Variants in MROH9 observed in about 807,000 individuals in gnomAD.
MROH9 encodes maestro heat like repeat family member 9.
A neutral mutation model predicts 98.2 loss-of-function variants in MROH9; 92 were observed. That is an observed-to-expected ratio of 0.94 (90% CI 0.79 to 1.11). The LOEUF is 1.11. MROH9 is among the 50% of genes most tolerant of loss of function. The pLI, the probability that MROH9 is intolerant of heterozygous loss-of-function variation, is 0.00. For synonymous variants in MROH9, 397 were observed against 368.9 expected (o/e 1.08, Z -0.87); for missense variants, 1,057 against 1,014.8 (o/e 1.04, Z -0.57).
At chr1:171,044,929 G>A (rs1653414582) in intron 20 of MROH9, among the ~76,000 whole-genome samples, 1 of 90,288 alleles carries the variant, frequency 1.1e-5, no homozygotes, top group Non-Finnish European at 2.4e-5. Context: ...CTTATCATTT[G>A]TATTGTTGTT....
chr1:171,029,526 C>T (rs980399410), intron 20 of MROH9, among the ~76,000 whole-genome samples: 1 of 152,070 alleles, frequency 6.6e-6, no homozygotes, highest in African/African-American at 2.4e-5. Context: ...TTATCAAACG[C>T]CTTTTCTGCA....
intron 15 of MROH9, among the ~76,000 whole-genome samples, chr1:171,009,729 C>G (rs1652084289): frequency 6.6e-6 from 1 of 152,100 alleles, no homozygotes; most frequent in African/African-American, 2.4e-5. Context: ...TTTCTAAGTG[C>G]TATTACTTAC....
chr1:170,978,413 G>A (rs1340383364), intron 8 of MROH9, among the ~76,000 whole-genome samples: 4 of 152,174 alleles, frequency 2.6e-5, no homozygotes, highest in African/African-American at 9.6e-5. Flanking sequence ...CCACTTACCA[G>A]TGGATATGCT....
intron 17 of MROH9, among the ~76,000 whole-genome samples, chr1:171,020,609 T>C (rs1652484637): frequency 1.3e-5 from 2 of 152,206 alleles, no homozygotes; most frequent in South Asian, 4.1e-4. Context: ...TGTTGGAACA[T>C]ATTTCAAAAT....
chr1:170,945,612 G>A (rs1424443344), intron 2 of MROH9, 31 bp downstream of exon 2: 1 of 1,603,076 alleles, frequency 6.2e-7, no homozygotes, highest in Non-Finnish European at 8.5e-7. Flanking sequence ...AGAGATGGGA[G>A]AAGGTATTTT....
chr1:170,945,687 T>A, intron 2 of MROH9, 106 bp downstream of exon 2: 5 of 976,162 alleles, frequency 5.1e-6, no homozygotes, highest in Non-Finnish European at 4.4e-6. Flanking sequence ...TCTGTAACCA[T>A]GATAACAAAG....
intron 21 of MROH9, 87 bp downstream of exon 21, chr1:171,062,281 A>G (rs1165784490): frequency 5.4e-6 from 5 of 933,200 alleles, no homozygotes; most frequent in Non-Finnish European, 8.3e-6. Flanking sequence ...GAGTTCTGTT[A>G]GAGTGCCAGG....
chr1:171,017,278 C>G (rs111586632), intron 17 of MROH9, among the ~76,000 whole-genome samples: 3,224 of 152,316 alleles, frequency 0.021, 138 homozygotes, highest in African/African-American at 0.074. Flanking sequence ...GACTAGGCAG[C>G]GGGCATGACC....
intron 20 of MROH9, among the ~76,000 whole-genome samples, chr1:171,030,398 C>T (rs1009714827): frequency 2.0e-5 from 3 of 151,058 alleles, no homozygotes; most frequent in African/African-American, 7.3e-5. Flanking sequence ...AATTTGAGAT[C>T]TTCCAAGCTT....
chr1:171,040,917 T>C (rs1027954046), intron 20 of MROH9, among the ~76,000 whole-genome samples: 1 of 152,126 alleles, frequency 6.6e-6, no homozygotes, highest in Non-Finnish European at 1.5e-5. Flanking sequence ...GAAAATTACA[T>C]GTTTATCCAC....
At chr1:170,983,244 A>G (rs1311712924) in intron 8 of MROH9, among the ~76,000 whole-genome samples, 178 bp from the exon 9 acceptor site, 1 of 152,236 alleles carries the variant, frequency 6.6e-6, no homozygotes, top group Non-Finnish European at 1.5e-5. Flanking sequence ...TAAACACTTT[A>G]TGAATTCTGT....
Position 170,998,240 on chromosome 1 carries a change from A to C in MROH9, c.1562A>C (p.Glu521Ala). The change falls in exon 15 of 22, where the codon GAA (glutamate) becomes GCA (alanine). Residue 521 changes from glutamate to alanine, a missense_variant. Physicochemically the swap from Glu to Ala is moderately radical, Grantham distance 107. Transcript: ENST00000367759. The part of the protein sequence containing the change: ...KLSVEGPRRS[E>A]DTVIVLIFLT... ...TCAGTAGAAGGTCCTAGAAGGTCAG[A>C]AGACACTGTCATCGTATTAATATTC... 6.2e-7 allele frequency: 1 copy of C among 1,613,522 alleles called. No homozygotes were observed. Among genetic ancestry groups the C allele is most frequent in the Non-Finnish European group, 8.5e-7 (1 of 1,179,620 alleles).
At chr1:171,003,762 T>C (rs1191242696) in intron 15 of MROH9, among the ~76,000 whole-genome samples, 2 of 152,122 alleles carry the variant, frequency 1.3e-5, no homozygotes, top group Non-Finnish European at 1.5e-5. Flanking sequence ...TCAGCTGTAG[T>C]AGTGTGGAGA....
chr1:170,987,109 G>A (rs1651168559), intron 10 of MROH9, among the ~76,000 whole-genome samples: 1 of 152,080 alleles, frequency 6.6e-6, no homozygotes, highest in South Asian at 2.1e-4. Context: ...CTCCCACCTT[G>A]GCCTCCCAAA....
At chr1:170,958,107 C>T (rs192424473) in intron 3 of MROH9, among the ~76,000 whole-genome samples, 5 of 152,202 alleles carry the variant, frequency 3.3e-5, no homozygotes, top group African/African-American at 9.6e-5. Context: ...CCACGCCCGG[C>T]GCTGCTGGCA....
At chr1:171,031,922 C>A (rs747066439) in intron 20 of MROH9, among the ~76,000 whole-genome samples, 5 of 152,246 alleles carry the variant, frequency 3.3e-5, no homozygotes, top group Non-Finnish European at 7.4e-5. Flanking sequence ...TCTAAGCAAT[C>A]ATAGATTTGA....
At chr1:171,013,441 T>C (rs1652225625) in intron 15 of MROH9, among the ~76,000 whole-genome samples, 1 of 152,160 alleles carries the variant, frequency 6.6e-6, no homozygotes, top group Non-Finnish European at 1.5e-5. Context: ...TAATGCCTGA[T>C]GATCTGAGGT....
chr1:170,989,143 T>C (rs1375941264), intron 10 of MROH9, among the ~76,000 whole-genome samples: 1 of 152,160 alleles, frequency 6.6e-6, no homozygotes, highest in Non-Finnish European at 1.5e-5. Flanking sequence ...TTATAATCTC[T>C]GTTAGTCTAA....
At chr1:170,938,088 T>G (rs185985451) in intron 1 of MROH9, among the ~76,000 whole-genome samples, 1 of 152,308 alleles carries the variant, frequency 6.6e-6, no homozygotes, top group East Asian at 1.9e-4. Context: ...GTAGCCCAAG[T>G]TCTCTTTGGT....
Sources: gnomAD v4.1 joint callset for allele counts (sites outside exome capture counted in the v4.1 genomes callset) on GRCh38, gnomAD v4.1.1 for gene constraint, MANE v1.5 for transcripts, NCBI Gene and HGNC (gene_info 2026-07-23, HGNC 2026-07-21) for gene names.